The following SLC5A9 variants were observed in gnomAD, a reference collection of about 807,000 sequenced individuals.
SLC5A9 encodes solute carrier family 5 member 9.
SLC5A9 carries 59 observed loss-of-function variants against 70.9 expected under a neutral mutation model. The observed-to-expected ratio is 0.83, with a 90% CI of 0.68 to 1.03. The LOEUF is 1.03. Among genes scored for constraint, SLC5A9 ranks in the 50% least tolerant of loss-of-function variants. SLC5A9 has a pLI of 0.00. For missense variants in SLC5A9, 832 were observed against 881.1 expected (o/e 0.94, Z 0.71); for synonymous variants, 340 against 346.5 (o/e 0.98, Z 0.21).
At chr1:48,232,576 C>A in intron 8 of SLC5A9, 74 bp downstream of exon 8, 1 of 1,581,252 alleles carries the variant, frequency 6.3e-7, no homozygotes, top group Non-Finnish European at 8.6e-7. Flanking sequence ...GGGAATGTGG[C>A]CCTGGACAAT....
rs75538709 is a variant in SLC5A9, at chr1:48,242,606, G to A, written c.1827G>A (p.Glu609=). The part of the protein sequence containing the change: ...GAAENSSLGQ[E]QPEAPSRSWG... ...CAGAGAACTCGAGCCTGGGCCAGGA[G>A]CAGCCTGAAGGTAGGCTGCGGCAGG... is the stretch of plus-strand genomic sequence containing the variant. Residue 609 remains glutamate, a synonymous_variant, in exon 13 of 14, where the codon GAG becomes GAA. Coordinates refer to ENST00000438567, the MANE Select transcript of SLC5A9 (RefSeq NM_001011547.3). 162,724 of 1,610,304 alleles carry A rather than the reference G, an allele frequency of 0.1. 9,017 individuals carry two copies. The highest frequency in any genetic ancestry group is 0.15 in the Middle Eastern group (786 of 5,206).
At chr1:48,229,661 T>C (rs1644220259) in intron 4 of SLC5A9, 1 of 691,288 alleles carries the variant, frequency 1.4e-6, no homozygotes, top group Non-Finnish European at 2.3e-6. Context: ...TTGGAGTGAA[T>C]GACAGCCCCT....
intron 13 of SLC5A9, among the ~76,000 whole-genome samples, chr1:48,242,968 T>A (rs1644409546): frequency 7.1e-6 from 1 of 141,636 alleles, no homozygotes; most frequent in Non-Finnish European, 1.6e-5. Context: ...CTCAGTCCTG[T>A]CCTTCCTGTA....
chr1:48,235,797 A>G lies in SLC5A9; in HGVS notation c.1210A>G (p.Ser404Gly), dbSNP rs200836976. ...GAGCTCACTCACCTCCATCTTCAACAGCAGCAGCACCCTGTTCACCATTGA... is the reference window on the plus strand; with the variant it reads ...GAGCTCACTCACCTCCATCTTCAACGGCAGCAGCACCCTGTTCACCATTGA... Reference protein sequence around the residue: ...LMSSLTSIFNSSSTLFTIDVW... With the variant: ...LMSSLTSIFNGSSTLFTIDVW... The change falls in exon 10 of 14, where the codon AGC (serine) becomes GGC (glycine). Residue 404 changes from serine (S) to glycine (G), a missense_variant. Coordinates refer to ENST00000438567, the MANE Select transcript of SLC5A9 (RefSeq NM_001011547.3). The G allele has an allele frequency of 1.5e-4, 247 of 1,614,074 alleles. No individual in the cohort carries two copies. The highest frequency in any genetic ancestry group is 3.1e-5 in the Non-Finnish European group (37 of 1,180,036).
rs1644211582 is a variant in SLC5A9 at position 48,229,285 on chromosome 1, A to C, written c.340-10A>C. 1 of 1,611,820 alleles carries C rather than the reference A, an allele frequency of 6.2e-7. No individual in the cohort carries two copies. Among genetic ancestry groups the C allele is most frequent in the East Asian group, 2.2e-5 (1 of 44,770 alleles). On this transcript the variant is annotated splice_polypyrimidine_tract_variant and intron_variant, in intron 3 of 13. Transcript: ENST00000438567. ...ACCTGGATACCTTCTTCTTCTCCCCACTCTCCCAGGCAACCTGGCTGCTCC... is the reference window on the plus strand; with the variant it reads ...ACCTGGATACCTTCTTCTTCTCCCCCCTCTCCCAGGCAACCTGGCTGCTCC...
chr1:48,230,577 TC>T (rs1411196880), intron 4 of SLC5A9, 22 bp from the exon 5 acceptor site: 1 of 1,601,808 alleles, frequency 6.2e-7, no homozygotes, highest in East Asian at 2.2e-5. Flanking sequence ...TGGTCTGGCC[TC>T]TTGGGTCCTG....
intron 13 of SLC5A9, among the ~76,000 whole-genome samples, chr1:48,244,736 A>AATTATATTTATAT (rs1644431378): frequency 4.5e-5 from 1 of 22,006 alleles, no homozygotes; most frequent in Admixed American, 6.6e-4. Context: ...AAAATATATA[A>AATTATATTTATAT]TATATATAAA....
chr1:48,222,825 G>A lies in SLC5A9; in HGVS notation c.89G>A (p.Arg30Lys). The A allele has an allele frequency of 6.2e-7, 1 of 1,613,468 alleles. No individual in the cohort carries two copies. The highest frequency in any genetic ancestry group is 8.5e-7 in the Non-Finnish European group (1 of 1,179,450). ...GCTCCACACATAGCACTGGACTCCA[G>A]AGTTGGTCTGCACGCCTACGACATC... ...ETAPHIALDSRVGLHAYDISV... is the reference protein window; with the variant it reads ...ETAPHIALDSKVGLHAYDISV... The change falls in exon 1 of 14, where the codon AGA (arginine) becomes AAA (lysine). Residue 30 changes from arginine (R) to lysine (K), a missense_variant. Physicochemically the swap from Arg to Lys is conservative, Grantham distance 26. Transcript: ENST00000438567.
In SLC5A9 at chr1:48,229,344, T is replaced by C; in HGVS notation, c.389T>C (p.Ile130Thr). Residue 130 changes from isoleucine to threonine, a missense_variant, in exon 4 of 14, where the codon ATC (isoleucine) becomes ACC (threonine). Transcript: ENST00000438567. ...ALGWVFVPVY[I>T]AAGVVTMPQY... ...GGCTGGGTCTTCGTCCCTGTGTACA[T>C]CGCAGCAGGTGTGGTCACAATGCCG... The C allele has an allele frequency of 6.2e-7, 1 of 1,614,106 alleles. No individual in the cohort carries two copies. The highest frequency in any genetic ancestry group is 8.5e-7 in the Non-Finnish European group (1 of 1,180,028).
intron 12 of SLC5A9, chr1:48,242,239 C>G: frequency 3.5e-6 from 2 of 568,842 alleles, no homozygotes; most frequent in South Asian, 2.0e-5. Context: ...GCACCTAGCA[C>G]AAGCCTGGGG....
At chr1:48,242,691 G>A in intron 13 of SLC5A9, 75 bp downstream of exon 13, 1 of 1,391,502 alleles carries the variant, frequency 7.2e-7, no homozygotes, top group Non-Finnish European at 9.6e-7. Flanking sequence ...GGCGGTCTTT[G>A]GGATGGGGAC....
At position 48,247,934 on chromosome 1, in the gene SLC5A9, C is replaced by CAAGA; in HGVS notation, c.*392_*395dup. 4.8e-6 allele frequency: 1 copy of CAAGA among 209,190 alleles called. No homozygotes were observed. The highest frequency in any genetic ancestry group is 2.0e-3 in the Middle Eastern group (1 of 496). 13.0% of individuals were successfully genotyped at this position (209,190 alleles called of 1,614,324 possible). A position where few individuals can be genotyped will look rare whatever the true frequency, so the allele number is the denominator to read the frequency against. ...GAGCAGGAAGAAATTTGCAAAAATCCAAGAGCACCTTTGCTCCCCCTTATC... is the reference window on the plus strand; with the variant it reads ...GAGCAGGAAGAAATTTGCAAAAATCCAAGAAAGAGCACCTTTGCTCCCCCTTATC... On this transcript the variant is annotated 3_prime_UTR_variant, in exon 14 of 14. Transcript: ENST00000438567.
intron 2 of SLC5A9, among the ~76,000 whole-genome samples, chr1:48,227,609 CTG>C (rs755247941): frequency 5.1e-5 from 5 of 97,990 alleles, no homozygotes; most frequent in Non-Finnish European, 1.1e-4. Flanking sequence ...GTGATTGCAT[CTG>C]TGTGTGCATG....
At position 48,232,166 on chromosome 1, in the gene SLC5A9, A is replaced by G; in HGVS notation, c.897+15A>G. Reference sequence around the variant, plus strand: ...GCACAGACCAGGTAATCCCCCAGCCAGGCTTAGCCCAGCCTGCCAGGAAGT... The same window carrying G: ...GCACAGACCAGGTAATCCCCCAGCCGGGCTTAGCCCAGCCTGCCAGGAAGT... On this transcript the variant is annotated intron_variant, in intron 7 of 13. Coordinates refer to ENST00000438567, the MANE Select transcript of SLC5A9 (RefSeq NM_001011547.3). 1 of 1,601,808 alleles carries G rather than the reference A, an allele frequency of 6.2e-7. No individual in the cohort carries two copies. Among genetic ancestry groups the G allele is most frequent in the Non-Finnish European group, 8.5e-7 (1 of 1,171,498 alleles).
Position 48,237,746 on chromosome 1 carries a change from G to A in SLC5A9, c.1360G>A (p.Gly454Arg), listed in dbSNP as rs914678663. The change falls in exon 11 of 14, where the codon GGG becomes AGG. Residue 454 changes from glycine to arginine, a missense_variant. Gly to Arg is a moderately radical substitution (Grantham distance 125). Transcript: ENST00000438567. ...CCCCATCATCCAAAGCTCCAACAGTGGGCAGCTCTTCGACTACATCCAGGC... is the reference window on the plus strand; with the variant it reads ...CCCCATCATCCAAAGCTCCAACAGTAGGCAGCTCTTCGACTACATCCAGGC... ...WIPIIQSSNS[G>R]QLFDYIQAVT... 1 of 1,614,022 alleles carries A rather than the reference G, an allele frequency of 6.2e-7. No homozygotes were observed. The highest frequency in any genetic ancestry group is 1.7e-5 in the Admixed American group (1 of 59,998).
Position 48,239,665 on chromosome 1 carries a change from A to G in SLC5A9, c.1677+128A>G. On this transcript the variant is annotated intron_variant, in intron 12 of 13. Coordinates refer to ENST00000438567, the MANE Select transcript of SLC5A9 (RefSeq NM_001011547.3). This position sits in a 1 kb window ranked among gnomAD's most constrained non-coding sequence, Gnocchi z 4.2. Reference sequence around the variant, plus strand: ...CTGTGGCCACACAGATGTCCTTGGGAGGGAAAGTGCCTTGGGCTATGAATT... The same window carrying G: ...CTGTGGCCACACAGATGTCCTTGGGGGGGAAAGTGCCTTGGGCTATGAATT... 1.2e-6 allele frequency: 1 copy of G among 855,554 alleles called. No homozygotes were observed. The highest frequency in any genetic ancestry group is 2.5e-5 in the East Asian group (1 of 39,860). 53.0% of individuals were successfully genotyped at this position (855,554 alleles called of 1,614,324 possible).
chr1:48,233,694 T>C lies in SLC5A9; in HGVS notation c.1073T>C (p.Ile358Thr), dbSNP rs199879523. Reference protein sequence around the residue: ...GCVDPDVCQRICGARVGCSNI... With the variant: ...GCVDPDVCQRTCGARVGCSNI... ...GTGGACCCTGATGTCTGCCAAAGAA[T>C]CTGTGGGGCCCGAGTGGGATGTTCC... Residue 358 changes from isoleucine (I) to threonine (T), a missense_variant, in exon 9 of 14, where the codon ATC becomes ACC. Physicochemically the swap from Ile to Thr is moderately conservative, Grantham distance 89. Coordinates refer to ENST00000438567, the MANE Select transcript of SLC5A9 (RefSeq NM_001011547.3). 2.5e-6 allele frequency: 4 copies of C among 1,613,940 alleles called. No homozygotes were observed. Among genetic ancestry groups the C allele is most frequent in the African/African-American group, 2.7e-5 (2 of 74,884 alleles).
intron 6 of SLC5A9, 68 bp from the exon 7 acceptor site, chr1:48,231,878 G>C: frequency 6.2e-7 from 1 of 1,600,980 alleles, no homozygotes; most frequent in Non-Finnish European, 8.5e-7. Flanking sequence ...CATGAGGCTG[G>C]GGCTGGGCTT....
chr1:48,234,609 A>G (rs536482248), intron 9 of SLC5A9, among the ~76,000 whole-genome samples: 3 of 152,324 alleles, frequency 2.0e-5, no homozygotes, highest in Non-Finnish European at 1.5e-5. Context: ...AGAGAAATCC[A>G]AGAAGCCTCC....
Sources: allele counts gnomAD v4.1 joint callset (sites outside exome capture counted in the v4.1 genomes callset), GRCh38; gene constraint gnomAD v4.1.1; non-coding constraint Gnocchi (gnomAD v3.1); transcripts MANE v1.5; gene names NCBI Gene and HGNC (gene_info 2026-07-23, HGNC 2026-07-21).